INSC: variants seen among roughly 807,000 people sequenced by gnomAD.
INSC encodes INSC spindle orientation adaptor protein.
Under a neutral mutation model 58.6 loss-of-function variants are expected in INSC, and 67 were observed. That is an observed-to-expected ratio of 1.14 (90% CI 0.94 to 1.40). The LOEUF is 1.40. INSC is among the 40% of genes most tolerant of loss of function. The pLI, the probability that INSC is intolerant of heterozygous loss-of-function variation, is 0.00. For synonymous variants in INSC, 262 were observed against 276.1 expected, an observed-to-expected ratio of 0.95 and a Z score of 0.51; for missense variants, 714 against 692.0, an observed-to-expected ratio of 1.03 and a Z score of -0.36.
chr11:15,135,671 T>C (rs1848228473), intron 1 of INSC, among the ~76,000 whole-genome samples: 1 of 152,234 alleles, frequency 6.6e-6, no homozygotes, highest in South Asian at 2.1e-4. Flanking sequence ...AATTGTTTCT[T>C]CTGGGTCAAT....
intron 2 of INSC, among the ~76,000 whole-genome samples, chr11:15,175,424 T>C (rs1275293482): frequency 1.3e-5 from 2 of 152,174 alleles, no homozygotes; most frequent in Non-Finnish European, 2.9e-5. Flanking sequence ...AGGCTGGTCT[T>C]GAACTCCTGG....
intron 2 of INSC, among the ~76,000 whole-genome samples, chr11:15,168,086 T>G (rs1849265592): frequency 6.6e-6 from 1 of 152,154 alleles, no homozygotes; most frequent in Non-Finnish European, 1.5e-5. Flanking sequence ...GCCTCATCCC[T>G]CTCTCTGCTC....
At chr11:15,180,124 G>T (rs547335244) in intron 5 of INSC, among the ~76,000 whole-genome samples, 27 of 152,226 alleles carry the variant, frequency 1.8e-4, no homozygotes, top group African/African-American at 6.5e-4. Context: ...CGGGCATGGT[G>T]GCGAGCACCT....
intron 2 of INSC, among the ~76,000 whole-genome samples, chr11:15,167,974 C>T (rs1467840073): frequency 6.6e-6 from 1 of 152,180 alleles, no homozygotes; most frequent in Non-Finnish European, 1.5e-5. Flanking sequence ...GAGCTGTAGG[C>T]AGGGTCAGGG....
chr11:15,168,269 C>G (rs1031877582), intron 2 of INSC, among the ~76,000 whole-genome samples: 3 of 152,122 alleles, frequency 2.0e-5, no homozygotes, highest in Non-Finnish European at 4.4e-5. Flanking sequence ...GCTCTCCCTC[C>G]CACTACCCCA....
chr11:15,164,915 G>A (rs938502152), intron 2 of INSC, among the ~76,000 whole-genome samples: 2 of 152,132 alleles, frequency 1.3e-5, no homozygotes, highest in African/African-American at 2.4e-5. Context: ...GTTAAGATGT[G>A]CCTTTCGCCT....
chr11:15,224,638 G>A (rs1225725332), intron 8 of INSC, among the ~76,000 whole-genome samples: 1 of 152,204 alleles, frequency 6.6e-6, no homozygotes, highest in Non-Finnish European at 1.5e-5. Context: ...AGTTGGAGCT[G>A]AGGGCCAGAC....
intron 7 of INSC, among the ~76,000 whole-genome samples, chr11:15,208,022 A>C (rs1850875295): frequency 6.6e-6 from 1 of 152,196 alleles, no homozygotes; most frequent in South Asian, 2.1e-4. Flanking sequence ...TAGTGTGCAG[A>C]TCCCAAAGCA....
the INSC span, among the ~76,000 whole-genome samples, chr11:15,252,284 T>A: frequency 6.6e-6 from 1 of 152,124 alleles, no homozygotes; most frequent in Non-Finnish European, 1.5e-5. Context: ...GTGATGAAAA[T>A]TAATGGTGAA....
rs1403062479 is a variant in INSC, at chr11:15,177,000, C to G, written c.403-111C>G. The G allele has an allele frequency of 1.9e-5, 17 of 872,680 alleles. No homozygotes were observed. In the East Asian group the frequency reaches 4.1e-4, roughly 21 times the overall value. The allele number at this position is 872,680 out of a possible 1,614,324, so 54.1% of individuals were successfully genotyped here. ...TGTTATATTTTAACTGCCTGTTCCC[C>G]AAGTCACATTAATTGATTCTTCATG... On this transcript the variant is annotated intron_variant, in intron 3 of 12. Coordinates refer to ENST00000379556, the MANE Select transcript of INSC (RefSeq NM_001042536.3).
rs376137421 is a variant in INSC at position 15,219,797 on chromosome 11, G to C, written c.820-1680G>C. 1.6e-4 allele frequency among the ~76,000 whole-genome samples: 24 copies of C among 152,322 alleles called. No individual in the cohort carries two copies. In the East Asian group the frequency reaches 1.7e-3, roughly 11 times the overall value. On this transcript the variant is annotated intron_variant, in intron 7 of 12. Transcript: ENST00000379556. ...ACGAGCTTGATCTGTGCTGGAAGGA[G>C]GAAAGGGATGAAAGCCAGATGGAGT...
At chr11:15,267,219 TC>T in the INSC span, among the ~76,000 whole-genome samples, 47 of 152,146 alleles carry the variant, frequency 3.1e-4, no homozygotes, top group African/African-American at 1.1e-3. Flanking sequence ...CTGCTGTCAT[TC>T]TTATCTTTGC....
Position 15,235,657 on chromosome 11 carries a change from T to C in INSC, c.1226T>C (p.Ile409Thr). The change falls in exon 10 of 13, where the codon ATT (isoleucine) becomes ACT (threonine). Residue 409 changes from isoleucine to threonine, a missense_variant. Physicochemically the swap from Ile to Thr is moderately conservative, Grantham distance 89. Coordinates refer to ENST00000379556, the MANE Select transcript of INSC (RefSeq NM_001042536.3). ...SVLEQCASDIIQENGVQLIMG... is the reference protein window; with the variant it reads ...SVLEQCASDITQENGVQLIMG... ...CTAGAACAGTGTGCCTCTGACATCA[T>C]TCAGGAAAATGGTATGTCTTTGCAG... 6.2e-7 allele frequency: 1 copy of C among 1,613,216 alleles called. No homozygotes were observed. Among genetic ancestry groups the C allele is most frequent in the East Asian group, 2.2e-5 (1 of 44,860 alleles).
At chr11:15,157,808 A>G (rs546229876) in intron 2 of INSC, among the ~76,000 whole-genome samples, 1 of 152,200 alleles carries the variant, frequency 6.6e-6, no homozygotes, top group Admixed American at 6.5e-5. Flanking sequence ...GGGATTCACC[A>G]GGTCCAGTCT....
At chr11:15,180,701 G>GGC (rs1849747240) in intron 5 of INSC, among the ~76,000 whole-genome samples, 2 of 107,186 alleles carry the variant, frequency 1.9e-5, no homozygotes, top group African/African-American at 3.5e-5. Flanking sequence ...GGGCGGGGGG[G>GGC]GGTGGTGGCC....
At chr11:15,208,814 G>C (rs1050988929) in intron 7 of INSC, among the ~76,000 whole-genome samples, 2 of 152,168 alleles carry the variant, frequency 1.3e-5, no homozygotes, top group African/African-American at 4.8e-5. Context: ...AGCGACCCCT[G>C]GTGGATAAGA....
intron 7 of INSC, 103 bp from the exon 8 acceptor site, chr11:15,221,374 G>T (rs959151394): frequency 7.3e-7 from 1 of 1,361,710 alleles, no homozygotes. Context: ...AGCCAGAGCT[G>T]GCTTCCATGT....
At chr11:15,120,007 A>T (rs957114093) in intron 1 of INSC, among the ~76,000 whole-genome samples, 2 of 152,240 alleles carry the variant, frequency 1.3e-5, no homozygotes, top group African/African-American at 4.8e-5. Flanking sequence ...TAATTGGCAC[A>T]AGATCTGGAT....
At chr11:15,142,290 T>C (rs913323969) in intron 1 of INSC, among the ~76,000 whole-genome samples, 3 of 152,240 alleles carry the variant, frequency 2.0e-5, no homozygotes, top group Non-Finnish European at 4.4e-5. Context: ...CCCGTGCTAC[T>C]GAGATAGTTT....
Sources: allele counts gnomAD v4.1 joint callset (sites outside exome capture counted in the v4.1 genomes callset), GRCh38; gene constraint gnomAD v4.1.1; transcripts MANE v1.5; gene names NCBI Gene and HGNC (gene_info 2026-07-23, HGNC 2026-07-21).